The following VIT variants were observed in gnomAD, a reference collection of about 807,000 sequenced individuals.
VIT encodes the protein vitrin.
A neutral mutation model predicts 78.0 loss-of-function variants in VIT; 99 were observed. The observed-to-expected ratio is 1.27, with a 90% confidence interval of 1.08 to 1.50. The LOEUF is 1.50. Among genes scored for constraint, VIT ranks in the 40% most tolerant of loss-of-function variants. The pLI, the probability that VIT is intolerant of heterozygous loss-of-function variation, is 0.00. For synonymous variants in VIT, 374 were observed against 334.3 expected, an observed-to-expected ratio of 1.12 and a Z score of -1.29; for missense variants, 1,126 against 875.3, an observed-to-expected ratio of 1.29 and a Z score of -3.61.
chr2:36,798,162 A>G (rs990966726), intron 12 of VIT, among the ~76,000 whole-genome samples: 48 of 152,214 alleles, frequency 3.2e-4, no homozygotes, highest in African/African-American at 1.2e-3. Flanking sequence ...AAGCCAAAAC[A>G]TCAAGTTTAG....
intron 15 of VIT, among the ~76,000 whole-genome samples, chr2:36,811,330 A>T (rs17019869): frequency 0.048 from 7,250 of 152,324 alleles, 522 homozygotes; most frequent in African/African-American, 0.16. Context: ...GTGCTCAGCT[A>T]CATCATCACT....
intron 2 of VIT, among the ~76,000 whole-genome samples, chr2:36,725,909 T>A (rs1666814167): frequency 6.6e-6 from 1 of 151,864 alleles, no homozygotes; most frequent in South Asian, 2.1e-4. Context: ...CCGTCTCTGG[T>A]AATATACAAA....
intron 4 of VIT, among the ~76,000 whole-genome samples, chr2:36,754,454 T>G (rs1668645949): frequency 6.6e-6 from 1 of 152,216 alleles, no homozygotes. Context: ...TGGGGGATGC[T>G]TTTTTAATGA....
At chr2:36,726,967 C>G (rs1022143435) in intron 2 of VIT, among the ~76,000 whole-genome samples, 6 of 151,858 alleles carry the variant, frequency 4.0e-5, no homozygotes, top group Admixed American at 6.6e-5. Flanking sequence ...GAAAAGGAAC[C>G]AGACTTTAAA....
chr2:36,708,411 A>C (rs554959058), intron 1 of VIT, among the ~76,000 whole-genome samples: 1 of 152,320 alleles, frequency 6.6e-6, no homozygotes, highest in South Asian at 2.1e-4. Flanking sequence ...ACAAACACCA[A>C]CATTACATAA....
intron 3 of VIT, among the ~76,000 whole-genome samples, chr2:36,735,915 G>A (rs1295858276): frequency 6.6e-6 from 1 of 152,202 alleles, no homozygotes; most frequent in Non-Finnish European, 1.5e-5. Flanking sequence ...GAAAACATGA[G>A]CCTGTCTACC....
intron 4 of VIT, among the ~76,000 whole-genome samples, chr2:36,744,028 T>A (rs574308264): frequency 1.3e-5 from 2 of 152,268 alleles, no homozygotes; most frequent in East Asian, 3.9e-4. Flanking sequence ...ACTCCATACT[T>A]AGCTCCCACT....
chr2:36,754,381 C>T (rs1374617680), intron 4 of VIT, among the ~76,000 whole-genome samples: 3 of 152,134 alleles, frequency 2.0e-5, no homozygotes, highest in Non-Finnish European at 2.9e-5. Context: ...TGTCAGTCAC[C>T]GTCCCATCAG....
At chr2:36,708,152 TCA>T (rs1432767878) in intron 1 of VIT, among the ~76,000 whole-genome samples, 1 of 139,334 alleles carries the variant, frequency 7.2e-6, no homozygotes, top group Non-Finnish European at 1.6e-5. Context: ...TTTCCCGTCC[TCA>T]CCAGATCAAC....
chr2:36,805,651 A>G lies in VIT; in HGVS notation c.1376A>G (p.Asn459Ser), dbSNP rs1666665467. 2 of 1,613,614 alleles carry G rather than the reference A, an allele frequency of 1.2e-6. No homozygotes were observed. Among genetic ancestry groups the G allele is most frequent in the Non-Finnish European group, 1.7e-6 (2 of 1,179,620 alleles). ...ENEKQYVVEPNFANKAVCRTN... is the reference protein window; with the variant it reads ...ENEKQYVVEPSFANKAVCRTN... ...GAGAAGCAGTATGTGGTGGAGCCCA[A>G]CTTTGCAAACAAGGTAGATGACTGC... The change falls in exon 14 of 16, where the codon AAC (asparagine) becomes AGC (serine). Residue 459 changes from asparagine (N) to serine (S), a missense_variant. Physicochemically the swap from Asn to Ser is conservative, Grantham distance 46. Coordinates refer to ENST00000379242, the MANE Select transcript of VIT (RefSeq NM_053276.4).
intron 7 of VIT, among the ~76,000 whole-genome samples, chr2:36,772,095 ATAAT>A (rs1300615374): frequency 2.6e-5 from 4 of 152,220 alleles, no homozygotes; most frequent in Non-Finnish European, 5.9e-5. Context: ...TGTTATCTGC[ATAAT>A]TAAACAGAAA....
At position 36,805,550 on chromosome 2, in the gene VIT, G is replaced by A. The variant is rs1025822459; in HGVS notation, c.1275G>A (p.Val425=). 6.2e-7 allele frequency: 1 copy of A among 1,614,120 alleles called. No homozygotes were observed. The change falls in exon 14 of 16, where the codon GTG becomes GTA. Residue 425 remains valine (V), a synonymous_variant. Coordinates refer to ENST00000379242, the MANE Select transcript of VIT (RefSeq NM_053276.4). ...TGGATGGCTGGCCCACGGACAAAGT[G>A]GAGGAGGCTTCAAGACTTGCGAGAG... is the stretch of plus-strand genomic sequence containing the variant. The part of the protein sequence containing the change: ...VMVDGWPTDK[V]EEASRLARES...
chr2:36,801,266 G>T, intron 12 of VIT, 35 bp from the exon 13 acceptor site: 1 of 1,543,262 alleles, frequency 6.5e-7, no homozygotes, highest in Middle Eastern at 1.7e-4. Context: ...TATTAACTTT[G>T]CAGCTAATTT....
intron 9 of VIT, among the ~76,000 whole-genome samples, chr2:36,781,336 T>C (rs2148620314): frequency 6.6e-6 from 1 of 152,302 alleles, no homozygotes; most frequent in African/African-American, 2.4e-5. Context: ...ACTACTTTGG[T>C]TGAATATGTA....
intron 4 of VIT, among the ~76,000 whole-genome samples, chr2:36,752,675 G>A (rs1304187075): frequency 6.6e-6 from 1 of 152,186 alleles, no homozygotes; most frequent in Non-Finnish European, 1.5e-5. Context: ...CTCCTCCAGT[G>A]TCTCCTACAT....
chr2:36,733,600 A>G (rs1025990099), intron 3 of VIT, among the ~76,000 whole-genome samples: 1 of 152,258 alleles, frequency 6.6e-6, no homozygotes, highest in Admixed American at 6.5e-5. Flanking sequence ...GTGAGTAAGC[A>G]TTACAGATTT....
At chr2:36,763,143 C>T (rs754437942) in intron 6 of VIT, among the ~76,000 whole-genome samples, 2 of 152,200 alleles carry the variant, frequency 1.3e-5, no homozygotes, top group East Asian at 1.9e-4. Context: ...CTGAGTCCCC[C>T]GCTGTGGTTC....
At chr2:36,701,816 T>A (rs1665079259) in intron 1 of VIT, among the ~76,000 whole-genome samples, 1 of 152,150 alleles carries the variant, frequency 6.6e-6, no homozygotes. Flanking sequence ...AGTGAGTAAA[T>A]CTGCACTCCA....
At chr2:36,770,752 G>T (rs1339120709) in intron 7 of VIT, among the ~76,000 whole-genome samples, 3 of 152,208 alleles carry the variant, frequency 2.0e-5, no homozygotes, top group African/African-American at 7.2e-5. Context: ...TCTACCACAG[G>T]CTAAGGAGGT....
Sources: gnomAD v4.1 joint callset for allele counts (sites outside exome capture counted in the v4.1 genomes callset) on GRCh38, gnomAD v4.1.1 for gene constraint, MANE v1.5 for transcripts, NCBI Gene and HGNC (gene_info 2026-07-23, HGNC 2026-07-21) for gene names.